CHLSN: variants seen among roughly 807,000 people sequenced by gnomAD.
The protein encoded by CHLSN is cholesin.
At chr7:990,957 T>C in the CHLSN span, among the ~76,000 whole-genome samples, 1 of 151,800 alleles carries the variant, frequency 6.6e-6, no homozygotes, top group East Asian at 2.0e-4. Flanking sequence ...GGCCCAGCCC[T>C]CCCAACCCTA....
chr7:1,136,473 A>C, the CHLSN span, among the ~76,000 whole-genome samples: 1 of 109,724 alleles, frequency 9.1e-6, no homozygotes, highest in Admixed American at 9.7e-5. Context: ...AACATATATA[A>C]ATATATAAAC....
At chr7:1,097,350 T>G in the CHLSN span, among the ~76,000 whole-genome samples, 1 of 152,000 alleles carries the variant, frequency 6.6e-6, no homozygotes, top group Non-Finnish European at 1.5e-5. This position sits in a 1 kb window ranked among gnomAD's most constrained non-coding sequence, Gnocchi z 4.3. Flanking sequence ...GCACGTCGGG[T>G]GACACCCAAA....
At chr7:1,092,375 G>A in the CHLSN span, 1 of 1,585,292 alleles carries the variant, frequency 6.3e-7, no homozygotes, top group Non-Finnish European at 8.6e-7. Context: ...GAGGTGCAGT[G>A]GCTCGAGGTC....
the CHLSN span, among the ~76,000 whole-genome samples, chr7:1,075,634 T>C: frequency 4.7e-5 from 6 of 128,780 alleles, no homozygotes; most frequent in African/African-American, 1.5e-4. Flanking sequence ...TGAGACAGAG[T>C]AGGAGTCTTG....
chr7:1,127,471 A>C, the CHLSN span: 2 of 1,262,794 alleles, frequency 1.6e-6, no homozygotes, highest in Non-Finnish European at 1.1e-6. Flanking sequence ...GAGGTAGGGC[A>C]CTCTCCCATT....
chr7:1,047,483 G>A, the CHLSN span, among the ~76,000 whole-genome samples: 3 of 152,258 alleles, frequency 2.0e-5, no homozygotes, highest in African/African-American at 7.2e-5. Context: ...AGCTCTCCAC[G>A]TGGAAACCCT....
chr7:1,042,569 C>T, the CHLSN span, among the ~76,000 whole-genome samples: 3 of 152,238 alleles, frequency 2.0e-5, no homozygotes, highest in African/African-American at 7.2e-5. Context: ...AGGACACACA[C>T]GAGCTTTCTG....
the CHLSN span, among the ~76,000 whole-genome samples, chr7:1,094,209 A>T: frequency 2.6e-5 from 4 of 151,978 alleles, no homozygotes; most frequent in African/African-American, 9.7e-5. Context: ...TTCTCCCATC[A>T]CCGGGGCTGG....
At chr7:1,016,588 GCACCACA>G in the CHLSN span, among the ~76,000 whole-genome samples, 1 of 114,552 alleles carries the variant, frequency 8.7e-6, no homozygotes, top group African/African-American at 3.8e-5. Flanking sequence ...GCAGCACACA[GCACCACA>G]CAGCAGCGTA....
chr7:1,070,903 TGCAC>T, the CHLSN span, among the ~76,000 whole-genome samples: 1 of 133,348 alleles, frequency 7.5e-6, no homozygotes, highest in Non-Finnish European at 1.6e-5. Flanking sequence ...TGCACACACA[TGCAC>T]GCACACACAC....
the CHLSN span, chr7:1,127,295 G>A: frequency 6.2e-7 from 1 of 1,610,634 alleles, no homozygotes. Flanking sequence ...GCAGCCTCAG[G>A]GCCCAGCAGT....
chr7:1,116,172 AC>A, the CHLSN span, among the ~76,000 whole-genome samples: 3 of 125,306 alleles, frequency 2.4e-5, no homozygotes, highest in African/African-American at 9.2e-5. Flanking sequence ...TCCATCACCA[AC>A]GCCCACGCAG....
At chr7:986,828 C>CCTA in the CHLSN span, 1 of 1,493,434 alleles carries the variant, frequency 6.7e-7, no homozygotes, top group Middle Eastern at 1.8e-4. Flanking sequence ...TCCTTGAAGG[C>CCTA]CTGTAGGGGT....
At chr7:1,092,576 T>G in the CHLSN span, 1 of 1,610,816 alleles carries the variant, frequency 6.2e-7, no homozygotes, top group African/African-American at 1.3e-5. Flanking sequence ...AGCGTGCACC[T>G]CCTGCAGCGG....
the CHLSN span, among the ~76,000 whole-genome samples, chr7:1,015,824 G>A: frequency 6.6e-6 from 1 of 152,236 alleles, no homozygotes; most frequent in African/African-American, 2.4e-5. Flanking sequence ...CACCCACGGT[G>A]AAGCGAGGCC....
At chr7:1,020,242 C>T in the CHLSN span, among the ~76,000 whole-genome samples, 1 of 152,242 alleles carries the variant, frequency 6.6e-6, no homozygotes, top group East Asian at 1.9e-4. Context: ...TGAACACGCG[C>T]TGCAGCCTCT....
At chr7:997,638 T>C in the CHLSN span, 1 of 1,606,800 alleles carries the variant, frequency 6.2e-7, no homozygotes, top group South Asian at 1.1e-5. Context: ...GGAGAGCAGC[T>C]GCAGCACCTG....
the CHLSN span, among the ~76,000 whole-genome samples, chr7:1,131,215 A>G: frequency 2.1e-4 from 27 of 130,758 alleles, no homozygotes; most frequent in East Asian, 5.9e-3. Context: ...AAAAAAAAAA[A>G]GAGTAAAGCA....
chr7:1,059,567 T>C, the CHLSN span, among the ~76,000 whole-genome samples: 1 of 81,810 alleles, frequency 1.2e-5, no homozygotes, highest in South Asian at 4.8e-4. Flanking sequence ...GGGTCGGTAG[T>C]GAGGCGGTTC....
Sources: allele counts gnomAD v4.1 joint callset (sites outside exome capture counted in the v4.1 genomes callset), GRCh38; gene constraint gnomAD v4.1.1; non-coding constraint Gnocchi (gnomAD v3.1); transcripts MANE v1.5; gene names NCBI Gene and HGNC (gene_info 2026-07-23, HGNC 2026-07-21).